TEX29: variants seen among roughly 807,000 people sequenced by gnomAD.
TEX29 encodes testis expressed 29.
In TEX29, 26 loss-of-function variants were observed where a neutral mutation model predicts 18.2. The ratio of observed to expected loss-of-function variants is 1.43; its 90% CI spans 1.04 to 1.98. The LOEUF (loss-of-function observed/expected upper bound fraction) is 1.98. Ranked by LOEUF, TEX29 falls within the 30% of genes most tolerant of loss-of-function variation. The probability of loss-of-function intolerance (pLI) is 0.00; values close to 1 mark genes in which losing one functional copy is unlikely to be tolerated. For synonymous variants in TEX29, 83 were observed against 78.5 expected (o/e 1.06, Z -0.31); for missense variants, 177 against 194.2 (o/e 0.91, Z 0.53).
chr13:111,320,088 G>A (rs138441421), upstream of TEX29, among the ~76,000 whole-genome samples: 267 of 152,196 alleles, frequency 1.8e-3, no homozygotes, highest in African/African-American at 6.1e-3. Flanking sequence ...CTCCCCCCAG[G>A]ACCTCTGCAT....
intron 2 of TEX29, among the ~76,000 whole-genome samples, chr13:111,323,036 CAGAT>C (rs1032528601): frequency 6.6e-6 from 1 of 152,252 alleles, no homozygotes; most frequent in Non-Finnish European, 1.5e-5. Flanking sequence ...CGCAACTTTG[CAGAT>C]GTGGAAGAGA....
At chr13:111,333,343 G>C (rs1293233414) in intron 3 of TEX29, among the ~76,000 whole-genome samples, 3 of 152,080 alleles carry the variant, frequency 2.0e-5, no homozygotes, top group Non-Finnish European at 4.4e-5. Flanking sequence ...CTTTCATTAT[G>C]TGTATTTGAT....
chr13:111,316,710 G>A (rs1243278342), upstream of TEX29, among the ~76,000 whole-genome samples: 1 of 152,212 alleles, frequency 6.6e-6, no homozygotes, highest in Non-Finnish European at 1.5e-5. Context: ...CATTGTCTGG[G>A]CTCTGGCTGG....
upstream of TEX29, among the ~76,000 whole-genome samples, chr13:111,318,785 G>A (rs1567155622): frequency 6.6e-6 from 1 of 152,236 alleles, no homozygotes; most frequent in African/African-American, 2.4e-5. Context: ...CAGCCACTTT[G>A]TAAAATAGCC....
chr13:111,318,961 G>A (rs1416060358), upstream of TEX29, among the ~76,000 whole-genome samples: 2 of 152,132 alleles, frequency 1.3e-5, no homozygotes, highest in African/African-American at 2.4e-5. Flanking sequence ...GCTGTCCTCC[G>A]AAGTCCCCTT....
At chr13:111,332,675 A>G (rs991606160) in intron 3 of TEX29, among the ~76,000 whole-genome samples, 2 of 152,206 alleles carry the variant, frequency 1.3e-5, no homozygotes, top group South Asian at 2.1e-4. Context: ...ACTAGATGCC[A>G]TGTATCTATT....
chr13:111,343,935 G>A, intron 5 of TEX29, 148 bp from the exon 6 acceptor site: 1 of 685,532 alleles, frequency 1.5e-6, no homozygotes, highest in South Asian at 1.8e-5. Context: ...AGAAACATAG[G>A]AGGATACGGC....
At chr13:111,321,060 C>A in intron 2 of TEX29, 112 bp downstream of exon 2, 1 of 1,268,346 alleles carries the variant, frequency 7.9e-7, no homozygotes, top group Non-Finnish European at 1.1e-6. Flanking sequence ...GGTCCCAGAC[C>A]TGGCTAGGAG....
upstream of TEX29, among the ~76,000 whole-genome samples, chr13:111,319,023 C>T (rs1293096735): frequency 6.6e-6 from 1 of 152,136 alleles, no homozygotes; most frequent in African/African-American, 2.4e-5. Flanking sequence ...GAAGAAGAGG[C>T]GAGGGAGCTC....
upstream of TEX29, among the ~76,000 whole-genome samples, chr13:111,318,044 ATC>A (rs1290851620): frequency 6.6e-6 from 1 of 152,096 alleles, no homozygotes; most frequent in Non-Finnish European, 1.5e-5. Flanking sequence ...GGACTTCAAC[ATC>A]TCTTTTTTGA....
At chr13:111,343,412 G>A (rs147778403) in intron 5 of TEX29, among the ~76,000 whole-genome samples, 142 of 152,086 alleles carry the variant, frequency 9.3e-4, no homozygotes, top group African/African-American at 3.1e-3. Flanking sequence ...CCTGGTGGTC[G>A]TGGATGTGCG....
chr13:111,339,867 C>T lies in TEX29; in HGVS notation c.174C>T (p.Tyr58=), dbSNP rs1465966283. 3 of 1,614,156 alleles carry T rather than the reference C, an allele frequency of 1.9e-6. No homozygotes were observed. Among genetic ancestry groups the T allele is most frequent in the Admixed American group, 3.3e-5 (2 of 60,026 alleles). ...GVCYKKAVPI[Y]IHVFSALIVI... The stretch of plus-strand genomic sequence containing the variant: ...TCAAATCCCACCATTTTTCAGTTTA[C>T]ATCCACGTGTTCTCTGCCTTGATTG... Residue 58 remains tyrosine, a synonymous_variant, in exon 4 of 6, where the codon TAC becomes TAT. Coordinates refer to ENST00000283547, the MANE Select transcript of TEX29 (RefSeq NM_152324.3).
intron 3 of TEX29, chr13:111,339,447 C>A: frequency 2.3e-6 from 1 of 430,934 alleles, no homozygotes; most frequent in South Asian, 1.7e-5. Flanking sequence ...GGGTCAGGAG[C>A]CAGCGCCATC....
In TEX29 at chr13:111,332,674, C is replaced by T. The variant is rs115304560; in HGVS notation, c.169+4381C>T. 3.1e-3 allele frequency among the ~76,000 whole-genome samples: 468 copies of T among 152,208 alleles called. 1 individual carries two copies. The highest frequency in any genetic ancestry group is 0.011 in the African/African-American group (446 of 41,540). On this transcript the variant is annotated intron_variant, in intron 3 of 5. Transcript: ENST00000283547. ...GGTAACTGTGGGTTTTACTAGATGC[C>T]ATGTATCTATTAATAGTAAATGCAA...
rs1231927719 is a variant in TEX29, at chr13:111,320,677, T to G, written c.-120T>G. On this transcript the variant is annotated 5_prime_UTR_variant, in exon 1 of 6. Transcript: ENST00000283547. ...GCAGACAGAGGGGTGGCCAGTTTGT[T>G]GTTTTACCTAAAAGGTGTTTTCCAC... 2 of 612,032 alleles carry G rather than the reference T, an allele frequency of 3.3e-6. No individual in the cohort carries two copies. The highest frequency in any genetic ancestry group is 1.9e-5 in the African/African-American group (1 of 53,978). The allele number at this position is 612,032 out of a possible 1,614,324, so 37.9% of individuals were successfully genotyped here.
upstream of TEX29, among the ~76,000 whole-genome samples, chr13:111,316,907 C>T (rs2153640913): frequency 6.6e-6 from 1 of 152,262 alleles, no homozygotes; most frequent in African/African-American, 2.4e-5. Flanking sequence ...GGCAAGGCAC[C>T]TTCACAAGGT....
intron 2 of TEX29, 30 bp downstream of exon 2, chr13:111,320,978 T>TGGGGAGGGGGGGGGGG: frequency 6.6e-6 from 1 of 152,328 alleles, no homozygotes; most frequent in Non-Finnish European, 1.1e-5. Flanking sequence ...GGGGGGCGGG[T>TGGGGAGGGGGGGGGGG]GGGGTGGGGG....
intron 3 of TEX29, among the ~76,000 whole-genome samples, chr13:111,334,724 C>A (rs953013031): frequency 6.6e-6 from 1 of 152,230 alleles, no homozygotes; most frequent in Non-Finnish European, 1.5e-5. Context: ...TCAGTTGCTT[C>A]TGATTATTTA....
At chr13:111,333,494 G>A (rs2093685409) in intron 3 of TEX29, among the ~76,000 whole-genome samples, 1 of 152,186 alleles carries the variant, frequency 6.6e-6, no homozygotes, top group South Asian at 2.1e-4. Context: ...CAAATCTGCT[G>A]TTGAGCATCT....
Sources: allele counts gnomAD v4.1 joint callset (sites outside exome capture counted in the v4.1 genomes callset), GRCh38; gene constraint gnomAD v4.1.1; transcripts MANE v1.5; gene names NCBI Gene and HGNC (gene_info 2026-07-23, HGNC 2026-07-21).